PPIL2: variants seen among roughly 807,000 people sequenced by gnomAD.
PPIL2 encodes the protein peptidylprolyl isomerase like 2.
Under a neutral mutation model 75.2 loss-of-function variants are expected in PPIL2, and 50 were observed. That is an observed-to-expected ratio of 0.66 (90% CI 0.53 to 0.84). The LOEUF is 0.84. Among genes scored for constraint, PPIL2 ranks in the 40% least tolerant of loss-of-function variants. The probability of loss-of-function intolerance (pLI) is 0.00; values close to 1 mark genes in which losing one functional copy is unlikely to be tolerated. For missense variants in PPIL2, 590 were observed against 685.0 expected (o/e 0.86, Z 1.55); for synonymous variants, 245 against 258.8 (o/e 0.95, Z 0.51).
intron 3 of PPIL2, 61 bp from the exon 4 acceptor site, chr22:21,670,936 G>C (rs767228694): frequency 9.4e-6 from 14 of 1,494,184 alleles, no homozygotes; most frequent in Non-Finnish European, 1.3e-5. Flanking sequence ...GCCAGTCTCA[G>C]CCAGCCCACA....
chr22:21,684,591 T>G (rs772390483), intron 9 of PPIL2, among the ~76,000 whole-genome samples, 162 bp from the exon 10 acceptor site: 15 of 151,816 alleles, frequency 9.9e-5, no homozygotes, highest in Non-Finnish European at 1.8e-4. Flanking sequence ...GGGGAGACCT[T>G]CAGGCCTGTA....
chr22:21,692,812 G>C (rs1391748048), intron 15 of PPIL2, among the ~76,000 whole-genome samples: 1 of 151,398 alleles, frequency 6.6e-6, no homozygotes, highest in African/African-American at 2.4e-5. Flanking sequence ...TGTAGTCCCA[G>C]CTACTCAGGA....
intron 15 of PPIL2, among the ~76,000 whole-genome samples, chr22:21,690,290 G>T (rs755993705): frequency 3.3e-5 from 5 of 151,956 alleles, no homozygotes; most frequent in Non-Finnish European, 7.4e-5. Context: ...AGGGTGAGGT[G>T]GGGGGATAAT....
At chr22:21,668,627 CAA>C (rs143903424) in intron 1 of PPIL2, among the ~76,000 whole-genome samples, 4 of 141,980 alleles carry the variant, frequency 2.8e-5, no homozygotes, top group African/African-American at 5.3e-5. Flanking sequence ...GACTCCGTCT[CAA>C]AAAAAAAATA....
chr22:21,683,235 T>C lies in PPIL2; in HGVS notation c.531T>C (p.Asn177=), dbSNP rs144327916. 4.4e-4 allele frequency: 709 copies of C among 1,613,036 alleles called. No homozygotes were observed. Among genetic ancestry groups the C allele is most frequent in the Middle Eastern group, 3.5e-3 (21 of 6,054 alleles). The change falls in exon 9 of 20, where the codon AAT becomes AAC. Residue 177 remains asparagine (N), a synonymous_variant. Transcript: ENST00000398831. ...TCTCTAACTTCTATCATGTGAAGAA[T>C]AACATGAAAATAATAGACCCAGGTA... ...FNVSNFYHVK[N]NMKIIDPDEE...
At chr22:21,671,129 T>C in intron 4 of PPIL2, 70 bp downstream of exon 4, 1 of 1,414,098 alleles carries the variant, frequency 7.1e-7, no homozygotes, top group Middle Eastern at 1.8e-4. Flanking sequence ...AGGGGACCCT[T>C]GGTACCCTTG....
At chr22:21,692,426 T>A (rs566232576) in intron 15 of PPIL2, among the ~76,000 whole-genome samples, 13 of 151,614 alleles carry the variant, frequency 8.6e-5, no homozygotes, top group Non-Finnish European at 1.6e-4. Context: ...AGTGCTGGGA[T>A]TACAGGCGTG....
At chr22:21,692,212 G>A (rs535732898) in intron 15 of PPIL2, among the ~76,000 whole-genome samples, 53 of 151,624 alleles carry the variant, frequency 3.5e-4, no homozygotes, top group Non-Finnish European at 1.2e-4. Context: ...CTGGAGTGCA[G>A]CGGCGCGATC....
At position 21,693,908 on chromosome 22, in the gene PPIL2, G is replaced by T. The variant is rs749315924; in HGVS notation, c.1196+36G>T. 4 of 1,521,682 alleles carry T rather than the reference G, an allele frequency of 2.6e-6. No individual in the cohort carries two copies. In the South Asian group the frequency reaches 4.5e-5, roughly 17 times the overall value. The allele number at this position is 1,521,682 out of a possible 1,614,324, so 94.3% of individuals were successfully genotyped here. A position where few individuals can be genotyped will look rare whatever the true frequency, so the allele number is the denominator to read the frequency against. On this transcript the variant is annotated intron_variant, in intron 16 of 19. Coordinates refer to ENST00000398831, the MANE Select transcript of PPIL2 (RefSeq NM_014337.4). The stretch of plus-strand genomic sequence containing the variant: ...CGGCTGTGTGAAGCCTGGGGGGTCA[G>T]TGGGCTAGGTGGGTTCCTTCCCCAC...
intron 9 of PPIL2, among the ~76,000 whole-genome samples, chr22:21,683,538 T>C (rs773933265): frequency 6.6e-6 from 1 of 152,240 alleles, no homozygotes; most frequent in Non-Finnish European, 1.5e-5. Context: ...GATGGGGTCC[T>C]CCTGTTTCCC....
At chr22:21,675,489 T>A (rs754243179) in intron 6 of PPIL2, among the ~76,000 whole-genome samples, 88 of 151,946 alleles carry the variant, frequency 5.8e-4, no homozygotes, top group Non-Finnish European at 1.1e-3. Flanking sequence ...TGAGCCAAGA[T>A]GGTGCCACTG....
intron 7 of PPIL2, among the ~76,000 whole-genome samples, chr22:21,681,847 A>G (rs879488523): frequency 2.0e-5 from 3 of 152,200 alleles, no homozygotes; most frequent in Non-Finnish European, 2.9e-5. Context: ...GTGTTCACAC[A>G]TGGGTCCTCC....
In PPIL2 at chr22:21,695,041, C is replaced by T. The variant is rs372934637; in HGVS notation, c.1437C>T (p.Gly479=). 2.8e-4 allele frequency: 459 copies of T among 1,610,946 alleles called. No homozygotes were observed. Among genetic ancestry groups the T allele is most frequent in the Non-Finnish European group, 3.8e-4 (444 of 1,179,754 alleles). ...AGGGCCCCCAGACCTTCCGCCAGGGCGTGGGCAAGTACATCAACCCAGCAG... is the reference window on the plus strand; with the variant it reads ...AGGGCCCCCAGACCTTCCGCCAGGGTGTGGGCAAGTACATCAACCCAGCAG... The part of the protein sequence containing the change: ...GSQGPQTFRQ[G]VGKYINPAAT... The change falls in exon 19 of 20, where the codon GGC becomes GGT. Residue 479 remains glycine, a synonymous_variant. Transcript: ENST00000398831.
intron 6 of PPIL2, among the ~76,000 whole-genome samples, chr22:21,676,287 A>T: frequency 1.2e-5 from 1 of 84,188 alleles, no homozygotes; most frequent in Admixed American, 1.2e-4. Context: ...TGTCTCATTC[A>T]GCAAATATTT....
downstream of PPIL2, chr22:21,698,674 C>T (rs1234986222): frequency 6.6e-6 from 1 of 152,426 alleles, no homozygotes; most frequent in Non-Finnish European, 1.5e-5. Flanking sequence ...CTTTCAGCCT[C>T]TTCACAGTCT....
chr22:21,682,416 A>T lies in PPIL2; in HGVS notation c.388-21A>T. 10 of 1,608,416 alleles carry T rather than the reference A, an allele frequency of 6.2e-6. 1 individual carries two copies. Among genetic ancestry groups the T allele is most frequent in the Non-Finnish European group, 8.5e-6 (10 of 1,175,206 alleles). On this transcript the variant is annotated intron_variant, in intron 7 of 19. Transcript: ENST00000398831. ...CAAGGCTTGGGGCAGGCATCGTAAA[A>T]CCACTTCCTCCTGGCTATAGGCAGT...
At chr22:21,669,789 C>G (rs2066557380) in intron 1 of PPIL2, 124 bp from the exon 2 acceptor site, 2 of 1,017,678 alleles carry the variant, frequency 2.0e-6, no homozygotes, top group Admixed American at 1.8e-5. Context: ...CGTTAGCCAC[C>G]GTGCCCGCCC....
rs758094727 is a variant in PPIL2 at position 21,694,981 on chromosome 22, C to T, written c.1377C>T (p.Thr459=). Residue 459 remains threonine (T), a synonymous_variant, in exon 19 of 20, where the codon ACC becomes ACT. Coordinates refer to ENST00000398831, the MANE Select transcript of PPIL2 (RefSeq NM_014337.4). ...RKTQLKVAPE[T]KVKSSQPQAG... ...CACAGCTCAAGGTAGCCCCGGAGAC[C>T]AAAGTGAAGAGCAGCCAGCCCCAGG... 4 of 1,613,848 alleles carry T rather than the reference C, an allele frequency of 2.5e-6. No homozygotes were observed. The highest frequency in any genetic ancestry group is 3.4e-6 in the Non-Finnish European group (4 of 1,180,024).
chr22:21,666,015 G>A lies in PPIL2; in HGVS notation c.-85G>A. ...GGGGCGCGCCGCGGAACCCGGAAGT[G>A]GTCACGGAACTCGGCTGCGGCTCCA... On this transcript the variant is annotated 5_prime_UTR_variant, in exon 1 of 20. Transcript: ENST00000398831. The A allele has an allele frequency of 1.3e-6, 2 of 1,508,448 alleles. No individual in the cohort carries two copies. The highest frequency in any genetic ancestry group is 1.8e-6 in the Non-Finnish European group (2 of 1,108,060). 93.4% of individuals were successfully genotyped at this position (1,508,448 alleles called of 1,614,324 possible).
Sources: allele counts gnomAD v4.1 joint callset (sites outside exome capture counted in the v4.1 genomes callset), GRCh38; gene constraint gnomAD v4.1.1; transcripts MANE v1.5; gene names NCBI Gene and HGNC (gene_info 2026-07-23, HGNC 2026-07-21).